IFT172: variants seen among roughly 807,000 people sequenced by gnomAD.
The protein encoded by IFT172 is intraflagellar transport protein 172 homolog.
IFT172 carries 164 observed loss-of-function variants against 248.9 expected under a neutral mutation model. The observed-to-expected ratio is 0.66, with a 90% CI of 0.58 to 0.75. The LOEUF is 0.75. Among genes scored for constraint, IFT172 ranks in the 30% least tolerant of loss-of-function variants. The pLI, the probability that IFT172 is intolerant of heterozygous loss-of-function variation, is 0.00. For synonymous variants in IFT172, 729 were observed against 791.6 expected (o/e 0.92, Z 1.33); for missense variants, 1,950 against 2,192.4 (o/e 0.89, Z 2.21).
At chr2:27,480,301 A>T (rs1199376111) in intron 8 of IFT172, 152 bp from the exon 9 acceptor site, 1 of 1,202,058 alleles carries the variant, frequency 8.3e-7, no homozygotes, top group African/African-American at 1.5e-5. Flanking sequence ...AAGAGGATAT[A>T]AAGGTGCACA....
intron 15 of IFT172, chr2:27,471,370 C>T: frequency 3.2e-6 from 1 of 316,022 alleles, no homozygotes; most frequent in Non-Finnish European, 5.7e-6. Context: ...GCCAGAGTTA[C>T]CAGCTTGGAT....
chr2:27,458,974 C>T lies in IFT172; in HGVS notation c.2788-106G>A, dbSNP rs1319194753. On this transcript the variant is annotated intron_variant, in intron 25 of 47. Transcript: ENST00000260570. ...CTGGGATGGTGGAGAGCCTGCGATA[C>T]AACCTTGTAATAATAGAGAAGAAAA... The T allele has an allele frequency of 1.3e-5, 15 of 1,113,138 alleles. 1 individual carries two copies. The highest frequency in any genetic ancestry group is 4.8e-5 in the Admixed American group (2 of 42,026). 69.0% of individuals were successfully genotyped at this position (1,113,138 alleles called of 1,614,324 possible).
At chr2:27,487,345 C>T (rs1429707407) in intron 1 of IFT172, among the ~76,000 whole-genome samples, 1 of 152,154 alleles carries the variant, frequency 6.6e-6, no homozygotes, top group Non-Finnish European at 1.5e-5. Context: ...ATATGTACCT[C>T]ACTAGATTTT....
intron 9 of IFT172, 88 bp downstream of exon 9, chr2:27,479,938 G>T: frequency 6.7e-7 from 1 of 1,486,258 alleles, no homozygotes; most frequent in Non-Finnish European, 9.0e-7. Flanking sequence ...ATTCTATAGT[G>T]TCAGGGAACA....
intron 16 of IFT172, among the ~76,000 whole-genome samples, chr2:27,467,697 A>G (rs561653194): frequency 6.6e-6 from 1 of 152,004 alleles, no homozygotes; most frequent in Admixed American, 6.5e-5. Flanking sequence ...AGAAATTAAA[A>G]ATGTAAAACA....
intron 7 of IFT172, among the ~76,000 whole-genome samples, chr2:27,482,941 A>G (rs1572830101): frequency 6.6e-6 from 1 of 151,232 alleles, no homozygotes; most frequent in East Asian, 2.0e-4. Flanking sequence ...CAAATGCCTT[A>G]GAAGTCCAAC....
Position 27,445,167 on chromosome 2 carries a change from G to C in IFT172, c.5069-62C>G, listed in dbSNP as rs1458478712. The stretch of plus-strand genomic sequence containing the variant: ...GAGAGATTGAGGAGGGAAAAATGAG[G>C]AGCAGCCTGGGGGGTAGAAAGCACA... On this transcript the variant is annotated intron_variant, in intron 46 of 47. Transcript: ENST00000260570. This position sits in a 1 kb window ranked among gnomAD's most constrained non-coding sequence, Gnocchi z 4.4. 2 of 1,605,056 alleles carry C rather than the reference G, an allele frequency of 1.2e-6. No individual in the cohort carries two copies. Among genetic ancestry groups the C allele is most frequent in the Non-Finnish European group, 1.7e-6 (2 of 1,174,358 alleles).
chr2:27,477,314 T>C lies in IFT172; in HGVS notation c.1228A>G (p.Met410Val). ...GTTAGCTCTCCGGCATTGAAGATCA[T>C]GCATACCTGGGAAAAATGGAGTTGT... ...KYFFENENVC[M>V]IFNAGELTLV... The change falls in exon 13 of 48, where the codon ATG (methionine) becomes GTG (valine). Residue 410 changes from methionine (M) to valine (V), a missense_variant. Transcript: ENST00000260570. 2 of 1,613,902 alleles carry C rather than the reference T, an allele frequency of 1.2e-6. No individual in the cohort carries two copies.
rs190665059 is a variant in IFT172, at chr2:27,457,283, A to G, written c.3228+356T>C. Among the ~76,000 whole-genome samples, 259 of 152,244 alleles carry G rather than the reference A, an allele frequency of 1.7e-3. 2 individuals are homozygous for G. Among genetic ancestry groups the G allele is most frequent in the African/African-American group, 5.9e-3 (246 of 41,550 alleles). Reference sequence around the variant, plus strand: ...GTGAATTAGTCACTTAAAGTGGGAAAGAAGGGCTGGGCAAGGTGGCTCATA... The same window carrying G: ...GTGAATTAGTCACTTAAAGTGGGAAGGAAGGGCTGGGCAAGGTGGCTCATA... On this transcript the variant is annotated intron_variant, in intron 29 of 47. Transcript: ENST00000260570.
At position 27,453,520 on chromosome 2, in the gene IFT172, A is replaced by C. The variant is rs1188822189; in HGVS notation, c.3822-7T>G. ...CACAAATCCCTCCACACCCCTGTGG[A>C]GATGAGAGCGCTGGGACTTGGCATG... On this transcript the variant is annotated splice_polypyrimidine_tract_variant and splice_region_variant and intron_variant, in intron 34 of 47. Coordinates refer to ENST00000260570, the MANE Select transcript of IFT172 (RefSeq NM_015662.3). 1 of 1,613,114 alleles carries C rather than the reference A, an allele frequency of 6.2e-7. No individual in the cohort carries two copies. Among genetic ancestry groups the C allele is most frequent in the Non-Finnish European group, 8.5e-7 (1 of 1,179,312 alleles).
At position 27,471,092 on chromosome 2, in the gene IFT172, G is replaced by A. The variant is rs773577174; in HGVS notation, c.1528C>T (p.His510Tyr). The A allele has an allele frequency of 6.2e-7, 1 of 1,605,088 alleles. No homozygotes were observed. Among genetic ancestry groups the A allele is most frequent in the Non-Finnish European group, 8.5e-7 (1 of 1,177,934 alleles). ...LLFRDRKLRL[H>Y]LYDIESCSKT... ...GAGCAGCTTTCAATATCATACAGAT[G>A]CAACTGAAGAAAGAAAAGGCAGGTA... The change falls in exon 16 of 48, where the codon CAT (histidine) becomes TAT (tyrosine). Residue 510 changes from histidine to tyrosine, a missense_variant. Transcript: ENST00000260570.
intron 6 of IFT172, 77 bp downstream of exon 6, chr2:27,483,502 TG>T: frequency 2.0e-6 from 3 of 1,504,604 alleles, no homozygotes; most frequent in Non-Finnish European, 2.8e-6. Flanking sequence ...TTTCATACTA[TG>T]GTCTTGCAGT....
intron 8 of IFT172, among the ~76,000 whole-genome samples, chr2:27,480,639 C>T (rs1168920037): frequency 6.6e-6 from 1 of 152,092 alleles, no homozygotes; most frequent in Non-Finnish European, 1.5e-5. Context: ...ATATATATAG[C>T]ATATAGATGC....
In IFT172 at chr2:27,477,231, G is replaced by A; in HGVS notation, c.1311C>T (p.Asn437=). The change falls in exon 13 of 48, where the codon AAC becomes AAT. Residue 437 remains asparagine (N), a synonymous_variant. Coordinates refer to ENST00000260570, the MANE Select transcript of IFT172 (RefSeq NM_015662.3). The stretch of plus-strand genomic sequence containing the variant: ...TGTGAGGTTACCTGATGAGGTGGGG[G>A]TTCATGAATTCAGTGCGTACAGAAC... ...TLGSVRTEFM[N]PHLISVRINE... 2 of 1,613,712 alleles carry A rather than the reference G, an allele frequency of 1.2e-6. No individual in the cohort carries two copies. Among genetic ancestry groups the A allele is most frequent in the Non-Finnish European group, 8.5e-7 (1 of 1,179,642 alleles).
intron 35 of IFT172, 63 bp downstream of exon 35, chr2:27,453,321 C>G: frequency 6.3e-7 from 1 of 1,597,302 alleles, no homozygotes; most frequent in Non-Finnish European, 8.6e-7. Context: ...ATGTGAGAAG[C>G]AGAGCCAAGT....
In IFT172 at chr2:27,445,935, C is replaced by G; in HGVS notation, c.4809G>C (p.Leu1603=). The change falls in exon 44 of 48, where the codon CTG becomes CTC. Residue 1603 remains leucine, a synonymous_variant. Transcript: ENST00000260570. This position sits in a 1 kb window ranked among gnomAD's most constrained non-coding sequence, Gnocchi z 4.4. Reference sequence around the variant, plus strand: ...GCACAGCTTCCCTACTCACATCGGTCAGGTCCAAAAAGCGATTGAGGAAGA... The same window carrying G: ...GCACAGCTTCCCTACTCACATCGGTGAGGTCCAAAAAGCGATTGAGGAAGA... ...AFIFLNRFLD[L]TDAIEEGTLD... 1 of 1,614,222 alleles carries G rather than the reference C, an allele frequency of 6.2e-7. No homozygotes were observed. The highest frequency in any genetic ancestry group is 8.5e-7 in the Non-Finnish European group (1 of 1,180,054).
At chr2:27,483,208 G>A in intron 7 of IFT172, 81 bp downstream of exon 7, 1 of 817,874 alleles carries the variant, frequency 1.2e-6, no homozygotes, top group East Asian at 2.4e-5. Flanking sequence ...GTAGAGACAG[G>A]GTTTCACTGT....
At chr2:27,449,838 G>A (rs750163717) in intron 36 of IFT172, 38 bp from the exon 37 acceptor site, 24 of 1,518,920 alleles carry the variant, frequency 1.6e-5, no homozygotes, top group South Asian at 3.5e-5. Context: ...CTTTCTCCTC[G>A]CTCCCAGTCT....
At chr2:27,479,714 G>T (rs965198313) in intron 9 of IFT172, 110 bp from the exon 10 acceptor site, 1 of 799,576 alleles carries the variant, frequency 1.3e-6, no homozygotes, top group Non-Finnish European at 2.1e-6. Flanking sequence ...AGAAGAGTTG[G>T]CAGTGAAAGA....
Sources: allele counts gnomAD v4.1 joint callset (sites outside exome capture counted in the v4.1 genomes callset), GRCh38; gene constraint gnomAD v4.1.1; non-coding constraint Gnocchi (gnomAD v3.1); transcripts MANE v1.5; gene names NCBI Gene and HGNC (gene_info 2026-07-23, HGNC 2026-07-21).